Variants in ABR observed in about 807,000 individuals in gnomAD.
The protein encoded by ABR is ABR activator of RhoGEF and GTPase, also known as active breakpoint cluster region-related protein.
In ABR, 35 loss-of-function variants were observed where a neutral mutation model predicts 107.2. That is an observed-to-expected ratio of 0.33 (90% CI 0.25 to 0.43). The LOEUF (loss-of-function observed/expected upper bound fraction) is 0.43, where lower values mean the gene tolerates loss of function less well. ABR is among the 20% of genes least tolerant of loss of function. The probability of loss-of-function intolerance (pLI) is 1.00; values close to 1 mark genes in which losing one functional copy is unlikely to be tolerated. For synonymous variants in ABR, 498 were observed against 462.0 expected, an observed-to-expected ratio of 1.08 and a Z score of -1.00; for missense variants, 815 against 1,115.2, an observed-to-expected ratio of 0.73 and a Z score of 3.83.
chr17:1,190,034 G>A (rs567145997), upstream of ABR, among the ~76,000 whole-genome samples: 15 of 152,324 alleles, frequency 9.8e-5, no homozygotes, highest in African/African-American at 3.4e-4. Context: ...ACGTCGCGTC[G>A]AGAATGACCA....
chr17:1,048,612 G>GCACGCCCAA (rs2032007996), intron 16 of ABR, among the ~76,000 whole-genome samples: 1 of 132,110 alleles, frequency 7.6e-6, no homozygotes. Context: ...AAGAAGCTCG[G>GCACGCCCAA]CGCCCAGCTG....
chr17:1,035,224 G>A (rs1464026779), intron 16 of ABR, among the ~76,000 whole-genome samples: 2 of 151,490 alleles, frequency 1.3e-5, no homozygotes, highest in Non-Finnish European at 2.9e-5. Context: ...AATTCTAGTC[G>A]CTGCAGCCCA....
chr17:1,111,918 G>C (rs2038696338), intron 2 of ABR, among the ~76,000 whole-genome samples: 3 of 152,298 alleles, frequency 2.0e-5, no homozygotes, highest in East Asian at 1.9e-4. Flanking sequence ...CCACACATCT[G>C]GACCAAAGGA....
chr17:1,128,557 A>G (rs1489077737), intron 1 of ABR, among the ~76,000 whole-genome samples: 1 of 152,238 alleles, frequency 6.6e-6, no homozygotes, highest in Non-Finnish European at 1.5e-5. Flanking sequence ...ACTTGCAGGA[A>G]GCTGCTGGAA....
chr17:1,085,589 A>G lies in ABR; in HGVS notation c.532-1962T>C, dbSNP rs114128158. Among the ~76,000 whole-genome samples the G allele has an allele frequency of 3.0e-3, 460 of 152,042 alleles. 5 individuals carry two copies. Among genetic ancestry groups the G allele is most frequent in the African/African-American group, 0.011 (450 of 41,476 alleles). On this transcript the variant is annotated intron_variant, in intron 4 of 22. Coordinates refer to ENST00000302538, the MANE Select transcript of ABR (RefSeq NM_021962.5). The stretch of plus-strand genomic sequence containing the variant: ...TTAGCAAATCCACTTTTACATACAA[A>G]CTGCAGAGCCGTATCGTTCAGTGCA...
chr17:1,061,917 T>A (rs552515258), intron 10 of ABR, among the ~76,000 whole-genome samples: 9 of 152,100 alleles, frequency 5.9e-5, no homozygotes, highest in Admixed American at 2.0e-4. Context: ...GTCCCTGGAG[T>A]TCAAATTCCA....
At chr17:1,048,663 G>C (rs1270639392) in intron 16 of ABR, among the ~76,000 whole-genome samples, 1 of 117,802 alleles carries the variant, frequency 8.5e-6, no homozygotes, top group Non-Finnish European at 1.8e-5. Flanking sequence ...GAAGCTCGGC[G>C]CCCAGCTGCC....
chr17:1,058,628 C>T, intron 11 of ABR, 117 bp downstream of exon 11: 2 of 1,366,920 alleles, frequency 1.5e-6, no homozygotes, highest in South Asian at 1.5e-5. Flanking sequence ...ATGGCAGCCT[C>T]CTCAGGAAGA....
rs973944651 is a variant in ABR, at chr17:1,017,581, C to T, written c.1792-4417G>A. 7.9e-5 allele frequency among the ~76,000 whole-genome samples: 12 copies of T among 151,128 alleles called. No individual in the cohort carries two copies. The East Asian group carries it at 1.4e-3, about 17-fold the overall frequency. ...CTCCCAGGTTCAACCGATTCTTCTG[C>T]CTCAGCCTCCCAATTAGCTGGGACT... is the stretch of plus-strand genomic sequence containing the variant. On this transcript the variant is annotated intron_variant, in intron 16 of 22. Transcript: ENST00000302538.
intron 1 of ABR, among the ~76,000 whole-genome samples, chr17:1,171,030 C>T (rs1046888975): frequency 3.3e-5 from 5 of 151,998 alleles, no homozygotes; most frequent in East Asian, 3.9e-4. Context: ...ACTGCCACGC[C>T]GACTCTACAA....
chr17:1,181,158 G>A (rs988669723), upstream of ABR, among the ~76,000 whole-genome samples: 3 of 152,042 alleles, frequency 2.0e-5, no homozygotes, highest in Non-Finnish European at 4.4e-5. Flanking sequence ...GTCGGCACCC[G>A]CAGAACGCTG....
intron 16 of ABR, among the ~76,000 whole-genome samples, chr17:1,045,196 C>T (rs187051489): frequency 6.6e-6 from 1 of 152,368 alleles, no homozygotes; most frequent in Non-Finnish European, 1.5e-5. Context: ...CTTTCTCATA[C>T]AAACATTGCT....
Position 1,005,973 on chromosome 17 carries a change from TG to T in ABR, c.*106del. On this transcript the variant is annotated 3_prime_UTR_variant, in exon 23 of 23. Coordinates refer to ENST00000302538, the MANE Select transcript of ABR (RefSeq NM_021962.5). ...CTTGGAAGCTGGCTTCCCTCGAGTC[TG>T]GAGTGCTGGGTTTGGGAGTTTTCTA... The T allele has an allele frequency of 9.6e-7, 1 of 1,046,784 alleles. No individual in the cohort carries two copies. The highest frequency in any genetic ancestry group is 1.4e-6 in the Non-Finnish European group (1 of 694,620). 64.8% of individuals were successfully genotyped at this position (1,046,784 alleles called of 1,614,324 possible). A position where few individuals can be genotyped will look rare whatever the true frequency, so the allele number is the denominator to read the frequency against.
chr17:1,145,102 T>G lies in ABR; in HGVS notation c.62-19735A>C, dbSNP rs117358793. ...GAAAGCAAGTCTGAGTTCGTTTGGGTTATCGGTATATTCTGTCTTCCCCGC... is the reference window on the plus strand; with the variant it reads ...GAAAGCAAGTCTGAGTTCGTTTGGGGTATCGGTATATTCTGTCTTCCCCGC... On this transcript the variant is annotated intron_variant, in intron 1 of 22. Coordinates refer to ENST00000302538, the MANE Select transcript of ABR (RefSeq NM_021962.5). Among the ~76,000 whole-genome samples, 690 of 152,026 alleles carry G rather than the reference T, an allele frequency of 4.5e-3. 37 individuals carry two copies. The East Asian group carries it at 0.11, about 24-fold the overall frequency.
intron 3 of ABR, among the ~76,000 whole-genome samples, chr17:1,099,923 T>C (rs367831411): frequency 2.0e-5 from 3 of 151,314 alleles, no homozygotes; most frequent in South Asian, 2.1e-4. Context: ...AGGTCAGGAG[T>C]TGGAAACCAG....
At chr17:1,106,527 C>CTTTTTTTT (rs540643214) in intron 2 of ABR, among the ~76,000 whole-genome samples, 3 of 102,586 alleles carry the variant, frequency 2.9e-5, no homozygotes, top group Non-Finnish European at 5.5e-5. Flanking sequence ...TTCTCACAGT[C>CTTTTTTTT]TTTTTTTTTT....
rs774400149 is a variant in ABR at position 1,021,534 on chromosome 17, G to A, written c.1792-8370C>T. ...AAAAAGTGCTTCTTCAGCCAGGTGC[G>A]GTGGCTCACGCCTGTCATCCCAGCA... On this transcript the variant is annotated intron_variant, in intron 16 of 22. Transcript: ENST00000302538. 3.0e-4 allele frequency among the ~76,000 whole-genome samples: 46 copies of A among 152,346 alleles called. 2 individuals are homozygous for A. The highest frequency in any genetic ancestry group is 5.8e-4 in the East Asian group (3 of 5,184).
At chr17:1,226,272 C>T (rs2043212024) in intron 1 of ABR, among the ~76,000 whole-genome samples, 1 of 152,194 alleles carries the variant, frequency 6.6e-6, no homozygotes, top group Admixed American at 6.5e-5. Context: ...TCCCACAGTG[C>T]GAAAACGCCT....
Position 1,027,541 on chromosome 17 carries a change from A to T in ABR, c.1792-14377T>A, listed in dbSNP as rs1439890521. Among the ~76,000 whole-genome samples, 1 of 152,158 alleles carries T rather than the reference A, an allele frequency of 6.6e-6. No homozygotes were observed. Among genetic ancestry groups the T allele is most frequent in the Non-Finnish European group, 1.5e-5 (1 of 68,016 alleles). ...GATCAGAGAGTACTCATGAGGCCCC[A>T]GCAGTGAGGTCTGCCCACTCGGCAG... On this transcript the variant is annotated intron_variant, in intron 16 of 22. Transcript: ENST00000302538. This position sits in a 1 kb window ranked among gnomAD's most constrained non-coding sequence, Gnocchi z 4.7.
Sources: gnomAD v4.1 joint callset for allele counts (sites outside exome capture counted in the v4.1 genomes callset) on GRCh38, gnomAD v4.1.1 for gene constraint, Gnocchi (gnomAD v3.1) non-coding constraint, MANE v1.5 for transcripts, NCBI Gene and HGNC (gene_info 2026-07-23, HGNC 2026-07-21) for gene names.